The following CMTM2 variants were observed in gnomAD, a reference collection of about 807,000 sequenced individuals.
CMTM2 encodes the protein CKLF like MARVEL transmembrane domain containing 2.
Under a neutral mutation model 16.8 loss-of-function variants are expected in CMTM2, and 15 were observed. The observed-to-expected ratio is 0.89, with a 90% CI of 0.60 to 1.37. The LOEUF is 1.37. CMTM2 is among the 40% of genes most tolerant of loss of function. The probability of loss-of-function intolerance (pLI) is 0.00; values close to 1 mark genes in which losing one functional copy is unlikely to be tolerated. For synonymous variants in CMTM2, 117 were observed against 118.7 expected (o/e 0.99, Z 0.09); for missense variants, 282 against 318.0 (o/e 0.89, Z 0.86).
In CMTM2 at chr16:66,588,260, A is replaced by ATTC; in HGVS notation, c.*143_*145dup. ...TGCTTGGAAAAGAATGGATTAATGG[A>ATTC]TTCTAAAAGCCTAAAGTTGATGTAA... On this transcript the variant is annotated 3_prime_UTR_variant, in exon 4 of 4. Coordinates refer to ENST00000268595, the MANE Select transcript of CMTM2 (RefSeq NM_144673.3). The ATTC allele has an allele frequency of 2.6e-6, 2 of 778,276 alleles. No individual in the cohort carries two copies. The highest frequency in any genetic ancestry group is 4.0e-6 in the Non-Finnish European group (2 of 494,206). The allele number at this position is 778,276 out of a possible 1,614,324, so 48.2% of individuals were successfully genotyped here.
At chr16:66,587,252 G>T (rs1187363598) in intron 3 of CMTM2, among the ~76,000 whole-genome samples, 154 bp downstream of exon 3, 1 of 152,218 alleles carries the variant, frequency 6.6e-6, no homozygotes, top group Non-Finnish European at 1.5e-5. Context: ...CGGGTGCAGT[G>T]GTTCATGCCT....
intron 2 of CMTM2, among the ~76,000 whole-genome samples, chr16:66,581,538 C>A (rs1301088072): frequency 1.3e-5 from 2 of 152,186 alleles, no homozygotes; most frequent in Admixed American, 1.3e-4. Context: ...CAGGAACCTA[C>A]AGCCTGGATT....
chr16:66,579,520 G>A lies in CMTM2; in HGVS notation c.-88G>A. 6.6e-7 allele frequency: 1 copy of A among 1,521,128 alleles called. No homozygotes were observed. Among genetic ancestry groups the A allele is most frequent in the Non-Finnish European group, 8.9e-7 (1 of 1,123,508 alleles). The allele number at this position is 1,521,128 out of a possible 1,614,324, so 94.2% of individuals were successfully genotyped here. On this transcript the variant is annotated 5_prime_UTR_variant, in exon 1 of 4. Transcript: ENST00000268595. This position sits in a 1 kb window ranked among gnomAD's most constrained non-coding sequence, Gnocchi z 6.5. ...CCTCTGAGCCGCTCGGTGGACACCA[G>A]GCACTCTAGTAGGCCTGGCCTACCC...
intron 2 of CMTM2, 164 bp downstream of exon 2, chr16:66,580,348 A>T (rs951209602): frequency 1.6e-5 from 11 of 702,442 alleles, no homozygotes; most frequent in Non-Finnish European, 2.6e-5. Flanking sequence ...AGCTGGGTGC[A>T]AGAGGGGTAG....
intron 2 of CMTM2, among the ~76,000 whole-genome samples, chr16:66,584,520 T>C (rs1453573628): frequency 6.6e-6 from 1 of 152,206 alleles, no homozygotes; most frequent in Non-Finnish European, 1.5e-5. Context: ...ACCTTGCTCA[T>C]GGACTTCAGC....
intron 3 of CMTM2, among the ~76,000 whole-genome samples, chr16:66,587,634 GCCAGCCC>G (rs1260809400): frequency 6.6e-6 from 1 of 152,156 alleles, no homozygotes; most frequent in African/African-American, 2.4e-5. Flanking sequence ...TGTCCGGGGA[GCCAGCCC>G]AAGTTCCTTC....
chr16:66,586,024 T>C (rs1456713595), intron 2 of CMTM2, among the ~76,000 whole-genome samples: 3 of 152,122 alleles, frequency 2.0e-5, no homozygotes, highest in Admixed American at 6.5e-5. Context: ...TCTGAGAAGT[T>C]TGGCAATGCC....
intron 2 of CMTM2, chr16:66,580,454 T>C (rs2014712836): frequency 2.2e-6 from 1 of 458,794 alleles, no homozygotes; most frequent in Non-Finnish European, 3.9e-6. Context: ...TGAGCCTTTG[T>C]TCTCTTTAGG....
At chr16:66,582,044 A>T (rs766880792) in intron 2 of CMTM2, among the ~76,000 whole-genome samples, 5 of 152,342 alleles carry the variant, frequency 3.3e-5, no homozygotes, top group Admixed American at 1.3e-4. Flanking sequence ...ACCTGATTTT[A>T]AAAAATCCCC....
chr16:66,587,772 C>T (rs1214982979), intron 3 of CMTM2, 147 bp from the exon 4 acceptor site: 14 of 770,034 alleles, frequency 1.8e-5, no homozygotes, highest in South Asian at 5.1e-5. Context: ...GGAGTAGGCA[C>T]GCTCCTAGCC....
At position 66,588,202 on chromosome 16, in the gene CMTM2, A is replaced by G. The variant is rs2014818237; in HGVS notation, c.*83A>G. ...ACTCTCTTCCTTGTCTTCTTTCTGG[A>G]ATGGTTTTCTTTTCCATTTTCATTA... On this transcript the variant is annotated 3_prime_UTR_variant, in exon 4 of 4. Transcript: ENST00000268595. 1 of 1,326,762 alleles carries G rather than the reference A, an allele frequency of 7.5e-7. No individual in the cohort carries two copies. The allele number at this position is 1,326,762 out of a possible 1,614,324, so 82.2% of individuals were successfully genotyped here.
intron 2 of CMTM2, among the ~76,000 whole-genome samples, chr16:66,584,271 T>G (rs938803032): frequency 1.3e-5 from 2 of 152,218 alleles, no homozygotes; most frequent in African/African-American, 2.4e-5. Context: ...TGACCTCAGG[T>G]GATCTGCCTG....
Position 66,580,067 on chromosome 16 carries a change from C to T in CMTM2, c.327C>T (p.Thr109=), listed in dbSNP as rs779892904. ...CAATGATACTGTTGTCCTCACTCAC[C>T]GTGCACCCCATCTTGAGGCTTATCA... ...IAAMILLSSL[T]VHPILRLIIT... Residue 109 remains threonine, a synonymous_variant, in exon 2 of 4, where the codon ACC becomes ACT. Transcript: ENST00000268595. The T allele has an allele frequency of 9.9e-6, 16 of 1,614,206 alleles. No individual in the cohort carries two copies. The highest frequency in any genetic ancestry group is 6.7e-5 in the East Asian group (3 of 44,878).
chr16:66,581,872 T>C (rs1475827374), intron 2 of CMTM2, among the ~76,000 whole-genome samples: 2 of 152,098 alleles, frequency 1.3e-5, no homozygotes, highest in East Asian at 1.9e-4. Context: ...TCCCTGGGAA[T>C]TACCATAAAA....
chr16:66,584,011 T>C (rs993226079), intron 2 of CMTM2, among the ~76,000 whole-genome samples: 4 of 152,132 alleles, frequency 2.6e-5, no homozygotes, highest in African/African-American at 9.7e-5. Flanking sequence ...GGTCAGAACA[T>C]TGGGGCCCTG....
chr16:66,580,012 A>G lies in CMTM2; in HGVS notation c.286-14A>G, dbSNP rs879123868. The G allele has an allele frequency of 1.2e-6, 2 of 1,614,084 alleles. No homozygotes were observed. The highest frequency in any genetic ancestry group is 2.2e-5 in the South Asian group (2 of 91,076). Reference sequence around the variant, plus strand: ...GCCCTTGCTGCTGGCTCAGGTGTCTATGTCTCACTGCAGGGCTGCCTAATA... The same window carrying G: ...GCCCTTGCTGCTGGCTCAGGTGTCTGTGTCTCACTGCAGGGCTGCCTAATA... On this transcript the variant is annotated splice_polypyrimidine_tract_variant and intron_variant, in intron 1 of 3. Transcript: ENST00000268595.
At chr16:66,582,427 G>A (rs971656191) in intron 2 of CMTM2, among the ~76,000 whole-genome samples, 14 of 152,210 alleles carry the variant, frequency 9.2e-5, no homozygotes, top group African/African-American at 3.4e-4. Context: ...TGGGCTGGGT[G>A]TGGTGGCTCA....
intron 2 of CMTM2, among the ~76,000 whole-genome samples, chr16:66,581,507 A>C (rs2014735807): frequency 1.3e-5 from 2 of 152,238 alleles, no homozygotes; most frequent in Admixed American, 1.3e-4. Flanking sequence ...ATGAGTGGGA[A>C]TGGTCCAAGA....
chr16:66,579,971 A>G lies in CMTM2; in HGVS notation c.286-55A>G. Reference sequence around the variant, plus strand: ...GGAGGAGTAGGCTCCAGGGGTCCTCAGAGAGATGGTGAAAGGCCCTTGCTG... The same window carrying G: ...GGAGGAGTAGGCTCCAGGGGTCCTCGGAGAGATGGTGAAAGGCCCTTGCTG... On this transcript the variant is annotated intron_variant, in intron 1 of 3. Transcript: ENST00000268595. The surrounding 1 kb of genome is among the most constrained non-coding windows in gnomAD (Gnocchi z 6.5). 2 of 1,612,622 alleles carry G rather than the reference A, an allele frequency of 1.2e-6. No homozygotes were observed. The highest frequency in any genetic ancestry group is 8.5e-7 in the Non-Finnish European group (1 of 1,179,162).
Sources: gnomAD v4.1 joint callset for allele counts (sites outside exome capture counted in the v4.1 genomes callset) on GRCh38, gnomAD v4.1.1 for gene constraint, Gnocchi (gnomAD v3.1) non-coding constraint, MANE v1.5 for transcripts, NCBI Gene and HGNC (gene_info 2026-07-23, HGNC 2026-07-21) for gene names.